The following PDE4C variants were observed in gnomAD, a reference collection of about 807,000 sequenced individuals.
PDE4C encodes the protein phosphodiesterase 4C.
Under a neutral mutation model 63.9 loss-of-function variants are expected in PDE4C, and 50 were observed. The ratio of observed to expected loss-of-function variants is 0.78; its 90% CI spans 0.62 to 0.99. PDE4C has a LOEUF of 0.99. Among genes scored for constraint, PDE4C ranks in the 50% least tolerant of loss-of-function variants. The probability of loss-of-function intolerance (pLI) is 0.00; values close to 1 mark genes in which losing one functional copy is unlikely to be tolerated. For missense variants in PDE4C, 777 were observed against 899.1 expected (o/e 0.86, Z 1.74); for synonymous variants, 377 against 385.1 (o/e 0.98, Z 0.25).
At chr19:18,228,388 A>G (rs568470120), upstream of PDE4C, among the ~76,000 whole-genome samples, 3 of 152,278 alleles carry the variant, frequency 2.0e-5, no homozygotes, top group African/African-American at 7.2e-5. Context: ...CGAAACCTAC[A>G]AAGTGTGGAC....
intron 11 of PDE4C, chr19:18,217,169 T>C (rs1968236271): frequency 3.6e-6 from 1 of 274,012 alleles, no homozygotes; most frequent in East Asian, 6.5e-5. Flanking sequence ...TTTTTTTTTT[T>C]TCTTTTTCTT....
At chr19:18,251,353 T>C (rs1255062034), upstream of PDE4C, among the ~76,000 whole-genome samples, 1 of 151,640 alleles carries the variant, frequency 6.6e-6, no homozygotes, top group African/African-American at 2.4e-5. Context: ...CTTGAACTCC[T>C]GACCTCAGGT....
chr19:18,252,222 T>C (rs1161382248), upstream of PDE4C: 7 of 398,556 alleles, frequency 1.8e-5, no homozygotes, highest in African/African-American at 1.4e-4. Flanking sequence ...AGAACTAGGG[T>C]GCGTGATTGT....
At chr19:18,221,049 T>TCCGCTAGGCCCCGCCCCACC in intron 4 of PDE4C, 56 bp downstream of exon 4, 2 of 1,239,966 alleles carry the variant, frequency 1.6e-6, no homozygotes, top group Non-Finnish European at 2.3e-6. Context: ...CAGCCCGCTT[T>TCCGCTAGGCCCCGCCCCACC]CCGCCCACCT....
chr19:18,225,773 A>G (rs905012862), intron 1 of PDE4C: 1 of 154,410 alleles, frequency 6.5e-6, no homozygotes, highest in African/African-American at 2.4e-5. Flanking sequence ...AAACCCCCTC[A>G]ATTCAGGTCT....
rs1485269642 is a variant in PDE4C at position 18,212,981 on chromosome 19, C to T, written c.1512+387G>A. Among the ~76,000 whole-genome samples the T allele has an allele frequency of 2.8e-5, 4 of 145,046 alleles. No individual in the cohort carries two copies. The South Asian group carries it at 9.2e-4, about 33-fold the overall frequency. On this transcript the variant is annotated intron_variant, in intron 13 of 14. Transcript: ENST00000262805. Reference sequence around the variant, plus strand: ...GATTATAGGCGTGAGCCACTGCGCCCGGCTGCTAAAGTTGTTTTTAAAGTA... The same window carrying T: ...GATTATAGGCGTGAGCCACTGCGCCTGGCTGCTAAAGTTGTTTTTAAAGTA...
At position 18,213,420 on chromosome 19, in the gene PDE4C, T is replaced by G. The variant is rs2148005975; in HGVS notation, c.1460A>C (p.Lys487Thr). 1.9e-6 allele frequency: 3 copies of G among 1,613,946 alleles called. No individual in the cohort carries two copies. The East Asian group carries it at 6.7e-5, about 36-fold the overall frequency. Residue 487 changes from lysine (K) to threonine (T), a missense_variant, in exon 13 of 15, where the codon AAG becomes ACG. Lys to Thr is a moderately conservative substitution (Grantham distance 78). Coordinates refer to ENST00000262805, the Ensembl canonical transcript of PDE4C. The stretch of plus-strand genomic sequence containing the variant: ...GAGGAGGACACCGAGGCTTGTCACC[T>G]TCTTGGTCTCCACCATGGTCTTGAG...
At chr19:18,241,943 C>CA (rs78453147) in intron 1 of PDE4C, among the ~76,000 whole-genome samples, 13,407 of 152,012 alleles carry the variant, frequency 0.088, 874 homozygotes, top group East Asian at 0.37. Context: ...TGAACAAATG[C>CA]AAAAAAATAA....
At chr19:18,243,102 A>G (rs1263848552) in intron 1 of PDE4C, among the ~76,000 whole-genome samples, 2 of 151,902 alleles carry the variant, frequency 1.3e-5, no homozygotes, top group African/African-American at 2.4e-5. Flanking sequence ...TTCAAGGGTG[A>G]CTGGTGACTT....
chr19:18,233,081 C>T (rs1176331818), exon 1 of PDE4C: 19 of 1,570,158 alleles, frequency 1.2e-5, no homozygotes, highest in Non-Finnish European at 1.6e-5. Context: ...GGATGGGGCG[C>T]CGGGGTTGCC....
chr19:18,226,344 G>C lies in PDE4C; in HGVS notation c.72C>G (p.Pro24=), dbSNP rs779786441. The change falls in exon 1 of 15, where the codon CCC becomes CCG. Residue 24 remains proline (P), a synonymous_variant. Coordinates refer to ENST00000262805, the Ensembl canonical transcript of PDE4C. ...TCACCAAAAGCTTCCTGAAGAGCCCGGGGGAGCCGCGCGGGGATCCCCGAG... is the reference window on the plus strand; with the variant it reads ...TCACCAAAAGCTTCCTGAAGAGCCCCGGGGAGCCGCGCGGGGATCCCCGAG... The C allele has an allele frequency of 1.4e-5, 21 of 1,531,614 alleles. No individual in the cohort carries two copies. In the South Asian group the frequency reaches 2.0e-4, roughly 15 times the overall value. 94.9% of individuals were successfully genotyped at this position (1,531,614 alleles called of 1,614,324 possible).
chr19:18,240,970 G>C (rs761604417), intron 1 of PDE4C, among the ~76,000 whole-genome samples: 5 of 152,204 alleles, frequency 3.3e-5, no homozygotes, highest in Non-Finnish European at 7.3e-5. Flanking sequence ...GAGTCACACA[G>C]CTGGGGGCTT....
At chr19:18,221,052 G>GCCAGGCGCCCCCCCCCC in intron 4 of PDE4C, 53 bp downstream of exon 4, 1 of 1,245,308 alleles carries the variant, frequency 8.0e-7, no homozygotes, top group Non-Finnish European at 1.1e-6. Flanking sequence ...CCCGCTTTCC[G>GCCAGGCGCCCCCCCCCC]CCCACCTTGT....
At chr19:18,243,775 G>C (rs1969083448) in intron 1 of PDE4C, among the ~76,000 whole-genome samples, 1 of 152,148 alleles carries the variant, frequency 6.6e-6, no homozygotes, top group South Asian at 2.1e-4. Flanking sequence ...TAAGGATGGG[G>C]CTCCCAGGGA....
chr19:18,236,133 C>T (rs181294978), upstream of PDE4C, among the ~76,000 whole-genome samples: 535 of 151,942 alleles, frequency 3.5e-3, 6 homozygotes, highest in African/African-American at 0.012. Flanking sequence ...TTAGTAGAGA[C>T]GGAGTTTCAC....
At chr19:18,254,502 C>T in the PDE4C span, among the ~76,000 whole-genome samples, 2 of 152,286 alleles carry the variant, frequency 1.3e-5, no homozygotes, top group South Asian at 4.1e-4. Flanking sequence ...CTCACATGAG[C>T]CAAGTCAACC....
At chr19:18,252,662 G>C (rs961681248), upstream of PDE4C, among the ~76,000 whole-genome samples, 2 of 151,352 alleles carry the variant, frequency 1.3e-5, no homozygotes, top group African/African-American at 4.9e-5. Flanking sequence ...CTGTCACCCA[G>C]GCTGGAGAGC....
chr19:18,233,606 C>G (rs1968897924), exon 1 of PDE4C: 3 of 457,470 alleles, frequency 6.6e-6, no homozygotes, highest in Non-Finnish European at 1.3e-5. Context: ...GAGACAGGGT[C>G]TCAGGAGACC....
chr19:18,242,401 G>A (rs889856133), intron 1 of PDE4C, among the ~76,000 whole-genome samples: 2 of 150,622 alleles, frequency 1.3e-5, no homozygotes, highest in African/African-American at 2.4e-5. Flanking sequence ...GTTTATGCCC[G>A]AGAGGCGGAG....
Sources: gnomAD v4.1 joint callset for allele counts (sites outside exome capture counted in the v4.1 genomes callset) on GRCh38, gnomAD v4.1.1 for gene constraint, MANE v1.5 for transcripts, NCBI Gene and HGNC (gene_info 2026-07-23, HGNC 2026-07-21) for gene names.